TMEM182: variants seen among roughly 807,000 people sequenced by gnomAD.
TMEM182 encodes transmembrane protein 182.
In TMEM182, 20 loss-of-function variants were observed where a neutral mutation model predicts 26.8. The observed-to-expected ratio is 0.75, with a 90% CI of 0.53 to 1.09. The LOEUF (loss-of-function observed/expected upper bound fraction) is 1.09, where lower values mean the gene tolerates loss of function less well. TMEM182 is among the 50% of genes least tolerant of loss of function. The pLI is 0.00. For missense variants in TMEM182, 277 were observed against 275.5 expected (o/e 1.01, Z -0.04); for synonymous variants, 109 against 102.2 (o/e 1.07, Z -0.40).
chr2:102,758,089 G>A (rs896057640), upstream of TMEM182, among the ~76,000 whole-genome samples: 2 of 152,090 alleles, frequency 1.3e-5, no homozygotes, highest in African/African-American at 4.8e-5. Context: ...CCTTATCAAT[G>A]TAAAGATAGA....
In TMEM182 at chr2:102,827,061, C is replaced by T. The variant is rs1224965479; in HGVS notation, c.326-16351C>T. On this transcript the variant is annotated intron_variant, in intron 3 of 3. Coordinates refer to the TMEM182 transcript ENST00000486293. ...TATGTGGCTTCCCTTTGAAACGGGT[C>T]GCTCTCATCACAGCACGTAGCATGC... Among the ~76,000 whole-genome samples the T allele has an allele frequency of 2.0e-5, 3 of 152,180 alleles. No individual in the cohort carries two copies. In the South Asian group the frequency reaches 6.2e-4, roughly 31 times the overall value.
At chr2:102,821,770 C>T (rs1473598033), downstream of TMEM182, among the ~76,000 whole-genome samples, 3 of 152,016 alleles carry the variant, frequency 2.0e-5, no homozygotes, top group Admixed American at 6.6e-5. Context: ...GGGCAGATCA[C>T]GTGGTCAGGA....
intron 1 of TMEM182, among the ~76,000 whole-genome samples, chr2:102,742,827 T>G (rs1432533907): frequency 6.6e-6 from 1 of 152,052 alleles, no homozygotes; most frequent in Non-Finnish European, 1.5e-5. Flanking sequence ...AAAATTATCC[T>G]GCAAGAAAGA....
chr2:102,817,229 T>C lies in TMEM182; in HGVS notation c.*2261T>C. On this transcript the variant is annotated 3_prime_UTR_variant, in exon 5 of 5. Coordinates refer to ENST00000412401, the MANE Select transcript of TMEM182 (RefSeq NM_144632.5). The stretch of plus-strand genomic sequence containing the variant: ...GAGATACTGTGTTGCCAAATGTCCA[T>C]GTTATGTTTATTTCTCTATTGGTTG... 1 of 985,418 alleles carries C rather than the reference T, an allele frequency of 1.0e-6. No homozygotes were observed. Among genetic ancestry groups the C allele is most frequent in the African/African-American group, 1.7e-5 (1 of 57,364 alleles). 61.0% of individuals were successfully genotyped at this position (985,418 alleles called of 1,614,324 possible).
intron 3 of TMEM182, among the ~76,000 whole-genome samples, chr2:102,772,238 G>A (rs1680707876): frequency 1.3e-5 from 2 of 152,140 alleles, no homozygotes; most frequent in African/African-American, 4.8e-5. Context: ...CTAGAACCAG[G>A]GAAAAGCAAT....
chr2:102,746,307 A>G (rs1451270693), intron 1 of TMEM182, among the ~76,000 whole-genome samples: 1 of 152,156 alleles, frequency 6.6e-6, no homozygotes, highest in Non-Finnish European at 1.5e-5. Context: ...ATTGAGTTGT[A>G]AGAGTTCTTT....
intron 1 of TMEM182, among the ~76,000 whole-genome samples, chr2:102,749,830 T>C (rs1679824065): frequency 6.6e-6 from 1 of 152,148 alleles, no homozygotes; most frequent in Admixed American, 6.5e-5. Flanking sequence ...TTATAATTTT[T>C]ATGTAAAAAA....
At chr2:102,787,637 A>C (rs1681453431) in intron 3 of TMEM182, among the ~76,000 whole-genome samples, 2 of 152,202 alleles carry the variant, frequency 1.3e-5, no homozygotes, top group African/African-American at 4.8e-5. Flanking sequence ...TTTCCTTCAG[A>C]GGACTTCAGC....
At chr2:102,749,093 C>G (rs1227491740) in intron 1 of TMEM182, among the ~76,000 whole-genome samples, 1 of 152,124 alleles carries the variant, frequency 6.6e-6, no homozygotes, top group Non-Finnish European at 1.5e-5. Flanking sequence ...AGAATTAAAA[C>G]TTTATATTCT....
At chr2:102,777,373 G>T (rs968131105) in intron 3 of TMEM182, among the ~76,000 whole-genome samples, 1 of 152,054 alleles carries the variant, frequency 6.6e-6, no homozygotes, top group Non-Finnish European at 1.5e-5. Flanking sequence ...ATTTTCAATT[G>T]TGTCAGCACC....
intron 4 of TMEM182, among the ~76,000 whole-genome samples, chr2:102,808,840 A>G (rs1682443841): frequency 6.6e-6 from 1 of 152,216 alleles, no homozygotes; most frequent in Non-Finnish European, 1.5e-5. Context: ...AAAAGACTGT[A>G]TACTGCTATG....
chr2:102,807,030 T>C (rs1348720340), intron 4 of TMEM182, among the ~76,000 whole-genome samples: 1 of 152,210 alleles, frequency 6.6e-6, no homozygotes, highest in Non-Finnish European at 1.5e-5. Context: ...TGGAAATAGG[T>C]AAACCCCCAT....
chr2:102,748,537 C>A (rs1311728530), intron 1 of TMEM182, among the ~76,000 whole-genome samples: 1 of 152,170 alleles, frequency 6.6e-6, no homozygotes, highest in South Asian at 2.1e-4. Context: ...CTAAAGTTAT[C>A]TTTTGTTAAT....
chr2:102,781,420 A>G (rs1466696809), intron 3 of TMEM182, among the ~76,000 whole-genome samples: 1 of 152,136 alleles, frequency 6.6e-6, no homozygotes, highest in East Asian at 1.9e-4. Context: ...AGGCTTTTGG[A>G]TTGCAGAGTC....
chr2:102,805,557 C>T (rs1682313287), intron 4 of TMEM182, among the ~76,000 whole-genome samples: 1 of 151,978 alleles, frequency 6.6e-6, no homozygotes, highest in Non-Finnish European at 1.5e-5. Flanking sequence ...TTCTGAACAA[C>T]CTTAAACTTC....
At chr2:102,768,562 G>A (rs1215590347) in intron 3 of TMEM182, among the ~76,000 whole-genome samples, 1 of 151,546 alleles carries the variant, frequency 6.6e-6, no homozygotes, top group Non-Finnish European at 1.5e-5. Context: ...TTAGCCAGGA[G>A]GGGTGGTGCA....
intron 1 of TMEM182, among the ~76,000 whole-genome samples, chr2:102,755,356 C>T (rs1243233711): frequency 6.6e-6 from 1 of 152,122 alleles, no homozygotes; most frequent in Admixed American, 6.5e-5. Context: ...CATATAAACA[C>T]ATGCAAAAAT....
chr2:102,739,379 C>T (rs1679482239), intron 1 of TMEM182, among the ~76,000 whole-genome samples: 1 of 152,144 alleles, frequency 6.6e-6, no homozygotes, highest in Non-Finnish European at 1.5e-5. Flanking sequence ...CATATGGGTC[C>T]ACTGCTGACA....
chr2:102,790,802 CTCTT>C (rs1681603907), intron 3 of TMEM182, among the ~76,000 whole-genome samples: 1 of 151,260 alleles, frequency 6.6e-6, no homozygotes, highest in African/African-American at 2.4e-5. Context: ...ATAGTTAATA[CTCTT>C]TCTATTATAT....
Sources: gnomAD v4.1 joint callset for allele counts (sites outside exome capture counted in the v4.1 genomes callset) on GRCh38, gnomAD v4.1.1 for gene constraint, MANE v1.5 for transcripts, NCBI Gene and HGNC (gene_info 2026-07-23, HGNC 2026-07-21) for gene names.